SULT2B1: variants seen among roughly 807,000 people sequenced by gnomAD.
The protein encoded by SULT2B1 is sulfotransferase 2B1.
A neutral mutation model predicts 33.2 loss-of-function variants in SULT2B1; 16 were observed. That is an observed-to-expected ratio of 0.48 (90% confidence interval 0.33 to 0.73). The LOEUF (loss-of-function observed/expected upper bound fraction) is 0.73, where lower values mean the gene tolerates loss of function less well. SULT2B1 is among the 30% of genes least tolerant of loss of function. The pLI is 0.02. For missense variants in SULT2B1, 500 were observed against 506.0 expected, an observed-to-expected ratio of 0.99 and a Z score of 0.11; for synonymous variants, 186 against 200.5, an observed-to-expected ratio of 0.93 and a Z score of 0.61.
intron 1 of SULT2B1, among the ~76,000 whole-genome samples, chr19:48,561,058 G>A (rs1166613269): frequency 1.3e-5 from 2 of 152,114 alleles, no homozygotes; most frequent in Non-Finnish European, 2.9e-5. Flanking sequence ...TTTGAACCCA[G>A]GAGACGGAGG....
intron 5 of SULT2B1, among the ~76,000 whole-genome samples, chr19:48,595,471 G>A (rs1285036618): frequency 1.3e-5 from 2 of 152,066 alleles, no homozygotes; most frequent in African/African-American, 4.8e-5. Context: ...TTGGATCAGA[G>A]CTTGGTACAT....
rs759396029 is a variant in SULT2B1, at chr19:48,552,600, G to A, written c.71+277G>A. ...CTCAGTTTTTCTGTCTGTCAAAGGG[G>A]CCCACAAGCCCTGTGTCTCCCTGAT... On this transcript the variant is annotated intron_variant, in intron 1 of 6. Coordinates refer to ENST00000201586, the MANE Select transcript of SULT2B1 (RefSeq NM_177973.2). This position sits in a 1 kb window ranked among gnomAD's most constrained non-coding sequence, Gnocchi z 4.8. Among the ~76,000 whole-genome samples, 6 of 152,152 alleles carry A rather than the reference G, an allele frequency of 3.9e-5. No individual in the cohort carries two copies. Among genetic ancestry groups the A allele is most frequent in the Non-Finnish European group, 8.8e-5 (6 of 68,028 alleles).
rs533950952 is a variant in SULT2B1, at chr19:48,556,427, G to A, written c.71+4104G>A. 1.3e-4 allele frequency among the ~76,000 whole-genome samples: 20 copies of A among 152,160 alleles called. No homozygotes were observed. In the South Asian group the frequency reaches 1.5e-3, roughly 11 times the overall value. On this transcript the variant is annotated intron_variant, in intron 1 of 6. Coordinates refer to ENST00000201586, the MANE Select transcript of SULT2B1 (RefSeq NM_177973.2). ...CCAGGATGAGTCAGGGTTAGCAGAC[G>A]GGGAGGAGGGGCAGGGAGTGCTGGG...
At position 48,565,531 on chromosome 19, in the gene SULT2B1, C is replaced by T. The variant is rs564925539; in HGVS notation, c.72-10410C>T. 2.6e-4 allele frequency among the ~76,000 whole-genome samples: 39 copies of T among 152,028 alleles called. No individual in the cohort carries two copies. The South Asian group carries it at 7.7e-3, about 30-fold the overall frequency. ...AGTAGCTGGGATTACAGGTGTGCACCACTACGCCCGGCTAATTTTTGTATT... is the reference window on the plus strand; with the variant it reads ...AGTAGCTGGGATTACAGGTGTGCACTACTACGCCCGGCTAATTTTTGTATT... On this transcript the variant is annotated intron_variant, in intron 1 of 6. Transcript: ENST00000201586.
chr19:48,577,028 A>ATTTTTT (rs71179012), intron 2 of SULT2B1, among the ~76,000 whole-genome samples: 42 of 92,942 alleles, frequency 4.5e-4, no homozygotes, highest in East Asian at 9.7e-4. Context: ...ACCCCCCTCT[A>ATTTTTT]TTTTTTTTTT....
intron 1 of SULT2B1, among the ~76,000 whole-genome samples, chr19:48,569,672 G>T (rs79760503): frequency 0.65 from 95,032 of 146,306 alleles, 31,341 homozygotes; most frequent in African/African-American, 0.77. Context: ...CCTCAAGATT[G>T]GTTTTTTGTT....
chr19:48,590,510 G>C (rs1454839345), intron 3 of SULT2B1, among the ~76,000 whole-genome samples: 2 of 152,040 alleles, frequency 1.3e-5, no homozygotes, highest in Non-Finnish European at 2.9e-5. Context: ...GCTGAGGCAG[G>C]AGAATTGCTT....
chr19:48,565,436 A>C (rs1973232317), intron 1 of SULT2B1, among the ~76,000 whole-genome samples: 1 of 151,480 alleles, frequency 6.6e-6, no homozygotes, highest in Admixed American at 6.6e-5. Flanking sequence ...CTGAAGTGCA[A>C]TGGCTAGATC....
At chr19:48,577,646 G>T (rs1973431872) in intron 2 of SULT2B1, among the ~76,000 whole-genome samples, 1 of 152,002 alleles carries the variant, frequency 6.6e-6, no homozygotes, top group African/African-American at 2.4e-5. Flanking sequence ...TTACAGGTGT[G>T]AGCCCGGTCA....
At chr19:48,560,833 A>C (rs1973166866) in intron 1 of SULT2B1, among the ~76,000 whole-genome samples, 1 of 151,964 alleles carries the variant, frequency 6.6e-6, no homozygotes, top group African/African-American at 2.4e-5. Flanking sequence ...GTGGTGGCTC[A>C]CATCTGTAAT....
At chr19:48,582,819 G>A (rs1324416173) in intron 2 of SULT2B1, among the ~76,000 whole-genome samples, 1 of 151,620 alleles carries the variant, frequency 6.6e-6, no homozygotes, top group Non-Finnish European at 1.5e-5. Context: ...CTCCAGTCTG[G>A]GCAACAGAGC....
intron 1 of SULT2B1, among the ~76,000 whole-genome samples, chr19:48,565,613 C>T (rs1056174595): frequency 6.6e-6 from 1 of 152,066 alleles, no homozygotes; most frequent in African/African-American, 2.4e-5. Context: ...CTCCTGACCT[C>T]TGGTGATCTG....
chr19:48,588,520 A>T (rs1225105510), intron 3 of SULT2B1, among the ~76,000 whole-genome samples: 4 of 148,758 alleles, frequency 2.7e-5, no homozygotes, highest in African/African-American at 5.1e-5. Flanking sequence ...CTCAAAAAAA[A>T]AACCCCCATA....
chr19:48,579,605 C>CTTTCTTTCTTTTTTTT (rs71179013), intron 2 of SULT2B1, among the ~76,000 whole-genome samples: 42 of 79,730 alleles, frequency 5.3e-4, no homozygotes, highest in East Asian at 1.7e-3. Flanking sequence ...TTCTTTCTTT[C>CTTTCTTTCTTTTTTTT]TTTTTTTTTT....
chr19:48,580,384 G>A (rs746183194), intron 2 of SULT2B1, among the ~76,000 whole-genome samples: 1 of 150,328 alleles, frequency 6.7e-6, no homozygotes, highest in Admixed American at 6.7e-5. Context: ...CTCAGCCTCC[G>A]GAGTAGCTGG....
At chr19:48,581,620 G>A (rs908106888) in intron 2 of SULT2B1, among the ~76,000 whole-genome samples, 2 of 151,064 alleles carry the variant, frequency 1.3e-5, no homozygotes, top group African/African-American at 4.9e-5. Context: ...ACCACGCCCG[G>A]CTAATTTTTT....
At chr19:48,563,548 C>T (rs913603635) in intron 1 of SULT2B1, among the ~76,000 whole-genome samples, 3 of 152,144 alleles carry the variant, frequency 2.0e-5, no homozygotes, top group African/African-American at 7.2e-5. Context: ...AACCAAAACA[C>T]CAAAGAACCT....
At chr19:48,581,339 T>C (rs4801767) in intron 2 of SULT2B1, among the ~76,000 whole-genome samples, 134,910 of 151,308 alleles carry the variant, frequency 0.89, 60,229 homozygotes, top group Non-Finnish European at 0.91. Flanking sequence ...CCACCGCACC[T>C]GGCCATATAT....
chr19:48,574,950 T>C (rs78092772), intron 1 of SULT2B1, among the ~76,000 whole-genome samples: 3,124 of 152,268 alleles, frequency 0.021, 117 homozygotes, highest in African/African-American at 0.072. Context: ...TGCAGTTTAT[T>C]GAAGGCCTAC....
Sources: allele counts gnomAD v4.1 joint callset (sites outside exome capture counted in the v4.1 genomes callset), GRCh38; gene constraint gnomAD v4.1.1; non-coding constraint Gnocchi (gnomAD v3.1); transcripts MANE v1.5; gene names NCBI Gene and HGNC (gene_info 2026-07-23, HGNC 2026-07-21).